CHPT1: variants seen among roughly 807,000 people sequenced by gnomAD.
CHPT1 encodes choline phosphotransferase 1, also known as cholinephosphotransferase 1.
A neutral mutation model predicts 47.6 loss-of-function variants in CHPT1; 36 were observed. The ratio of observed to expected loss-of-function variants is 0.76; its 90% confidence interval spans 0.58 to 1.00. The LOEUF is 1.00. CHPT1 is among the 50% of genes least tolerant of loss of function. CHPT1 has a pLI of 0.00. For missense variants in CHPT1, 458 were observed against 498.1 expected (o/e 0.92, Z 0.77); for synonymous variants, 194 against 186.3 (o/e 1.04, Z -0.33).
intron 1 of CHPT1, among the ~76,000 whole-genome samples, chr12:101,713,468 T>C (rs879126382): frequency 6.6e-6 from 1 of 152,172 alleles, no homozygotes; most frequent in Non-Finnish European, 1.5e-5. Context: ...AAACACAGCA[T>C]GATTGCTGGA....
intron 1 of CHPT1, among the ~76,000 whole-genome samples, chr12:101,708,357 G>C (rs933568910): frequency 1.3e-5 from 2 of 150,586 alleles, no homozygotes; most frequent in African/African-American, 4.9e-5. Flanking sequence ...AATGACAAGG[G>C]GTTATGATTG....
intron 4 of CHPT1, chr12:101,719,557 C>G: frequency 7.9e-7 from 1 of 1,265,872 alleles, no homozygotes; most frequent in South Asian, 1.3e-5. Context: ...ATATTAACTA[C>G]ACAGATGTTT....
At chr12:101,725,194 A>T (rs1347925888) in intron 7 of CHPT1, among the ~76,000 whole-genome samples, 2 of 152,138 alleles carry the variant, frequency 1.3e-5, no homozygotes, top group African/African-American at 4.8e-5. Flanking sequence ...TTTCTGGAGT[A>T]ACTTAATAAC....
intron 1 of CHPT1, among the ~76,000 whole-genome samples, chr12:101,704,838 G>A (rs1951607932): frequency 1.4e-5 from 1 of 73,426 alleles, no homozygotes; most frequent in African/African-American, 6.3e-5. Context: ...CAAATACTGA[G>A]CTCCTTCCAT....
rs183567258 is a variant in CHPT1, at chr12:101,711,228, G to T, written c.274-2862G>T. Among the ~76,000 whole-genome samples, 705 of 148,654 alleles carry T rather than the reference G, an allele frequency of 4.7e-3. 32 individuals carry two copies. The highest frequency in any genetic ancestry group is 0.015 in the African/African-American group (602 of 41,150). ...AAATCATCGCCGTAAAAAGATACTT[G>T]CACTCCCATGATCATTGTAGCATTA... On this transcript the variant is annotated intron_variant, in intron 1 of 8. Transcript: ENST00000229266.
chr12:101,708,411 AT>A (rs1951661017), intron 1 of CHPT1, among the ~76,000 whole-genome samples: 1 of 152,034 alleles, frequency 6.6e-6, no homozygotes. Flanking sequence ...TTTATATGAA[AT>A]TTAATATATC....
chr12:101,702,774 G>T (rs955084649), intron 1 of CHPT1, among the ~76,000 whole-genome samples: 2 of 151,886 alleles, frequency 1.3e-5, no homozygotes, highest in African/African-American at 2.4e-5. Flanking sequence ...CTCTTGTAAG[G>T]GCGTGACCTC....
chr12:101,716,247 A>G (rs1951761625), intron 3 of CHPT1, among the ~76,000 whole-genome samples: 1 of 152,204 alleles, frequency 6.6e-6, no homozygotes, highest in Admixed American at 6.5e-5. Flanking sequence ...AAACTAAAAA[A>G]ACTACAGTGA....
rs1030857799 is a variant in CHPT1, at chr12:101,710,250, G to A, written c.274-3840G>A. Among the ~76,000 whole-genome samples the A allele has an allele frequency of 5.4e-5, 8 of 149,082 alleles. 1 individual carries two copies. The highest frequency in any genetic ancestry group is 2.0e-4 in the Admixed American group (3 of 14,718). Reference sequence around the variant, plus strand: ...AATCTCAGCTACTTTGGGAGGTTGAGGGGGAGGATCACTTGGGCCTGGGAG... The same window carrying A: ...AATCTCAGCTACTTTGGGAGGTTGAAGGGGAGGATCACTTGGGCCTGGGAG... On this transcript the variant is annotated intron_variant, in intron 1 of 8. Coordinates refer to ENST00000229266, the MANE Select transcript of CHPT1 (RefSeq NM_020244.3).
intron 4 of CHPT1, among the ~76,000 whole-genome samples, chr12:101,719,227 C>CAGG (rs1298493282): frequency 6.7e-6 from 1 of 149,478 alleles, no homozygotes; most frequent in Non-Finnish European, 1.5e-5. Context: ...GTTATTAAGT[C>CAGG]AGGTGTGGTT....
chr12:101,712,767 AT>A (rs1467783513), intron 1 of CHPT1, among the ~76,000 whole-genome samples: 1 of 147,828 alleles, frequency 6.8e-6, no homozygotes, highest in East Asian at 2.0e-4. Context: ...TCTGTTTATA[AT>A]TTTCCTGTTT....
intron 1 of CHPT1, among the ~76,000 whole-genome samples, chr12:101,699,114 AC>A (rs1951511947): frequency 6.6e-6 from 1 of 151,834 alleles, no homozygotes; most frequent in Non-Finnish European, 1.5e-5. Flanking sequence ...ACAGGGGTTT[AC>A]TCTGTCACCC....
chr12:101,722,363 AC>A (rs1951863385), intron 5 of CHPT1, among the ~76,000 whole-genome samples: 1 of 152,196 alleles, frequency 6.6e-6, no homozygotes, highest in South Asian at 2.1e-4. Flanking sequence ...GTTCTTGTGA[AC>A]CCATTTAAAT....
At chr12:101,726,163 T>C in intron 7 of CHPT1, 131 bp from the exon 8 acceptor site, 1 of 635,680 alleles carries the variant, frequency 1.6e-6, no homozygotes, top group Non-Finnish European at 2.7e-6. Flanking sequence ...TGTATTAAAG[T>C]GCTTTAAAAT....
intron 1 of CHPT1, among the ~76,000 whole-genome samples, chr12:101,699,467 A>G (rs1267654847): frequency 6.8e-6 from 1 of 147,970 alleles, no homozygotes; most frequent in Non-Finnish European, 1.5e-5. Flanking sequence ...GGCTCACTGC[A>G]ACCTCTGCCT....
At chr12:101,717,394 C>T (rs577695328) in intron 4 of CHPT1, 1 of 434,998 alleles carries the variant, frequency 2.3e-6, no homozygotes, top group African/African-American at 2.0e-5. Flanking sequence ...GTTACCACAA[C>T]GTAAGTCCAC....
At chr12:101,720,049 A>C (rs1228392828) in intron 4 of CHPT1, 74 bp from the exon 5 acceptor site, 1 of 1,002,070 alleles carries the variant, frequency 1.0e-6, no homozygotes, top group East Asian at 2.5e-5. Context: ...AGGGCTTATC[A>C]TTATGTTTCT....
rs79286041 is a variant in CHPT1 at position 101,706,810 on chromosome 12, C to A, written c.274-7280C>A. On this transcript the variant is annotated intron_variant, in intron 1 of 8. Transcript: ENST00000229266. Reference sequence around the variant, plus strand: ...ATTACTTCCCTTGGTTAAATTAGATCTTTACTTTCATTAACTAAAGATGAT... The same window carrying A: ...ATTACTTCCCTTGGTTAAATTAGATATTTACTTTCATTAACTAAAGATGAT... Among the ~76,000 whole-genome samples, 496 of 144,002 alleles carry A rather than the reference C, an allele frequency of 3.4e-3. 2 individuals are homozygous for A. Among genetic ancestry groups the A allele is most frequent in the African/African-American group, 0.011 (423 of 38,332 alleles). The allele number at this position is 144,002 out of a possible 152,430, so 94.5% of individuals were successfully genotyped here.
chr12:101,721,456 T>C (rs1566042513), intron 5 of CHPT1, among the ~76,000 whole-genome samples: 4 of 152,226 alleles, frequency 2.6e-5, no homozygotes. Context: ...AGTCTCATTC[T>C]TTTAAAAGAC....
Sources: allele counts gnomAD v4.1 joint callset (sites outside exome capture counted in the v4.1 genomes callset), GRCh38; gene constraint gnomAD v4.1.1; transcripts MANE v1.5; gene names NCBI Gene and HGNC (gene_info 2026-07-23, HGNC 2026-07-21).